Variants in PRKG1 observed in about 807,000 individuals in gnomAD.
PRKG1 encodes protein kinase cGMP-dependent 1.
In PRKG1, 35 loss-of-function variants were observed where a neutral mutation model predicts 88.1. The ratio of observed to expected loss-of-function variants is 0.40; its 90% CI spans 0.30 to 0.53. The LOEUF (loss-of-function observed/expected upper bound fraction) is 0.53. Ranked by LOEUF, PRKG1 falls within the 20% of genes least tolerant of loss-of-function variation. The probability of loss-of-function intolerance (pLI) is 0.59; values close to 1 mark genes in which losing one functional copy is unlikely to be tolerated. For missense variants in PRKG1, 540 were observed against 839.8 expected, an observed-to-expected ratio of 0.64 and a Z score of 4.41; for synonymous variants, 303 against 292.5, an observed-to-expected ratio of 1.04 and a Z score of -0.37.
Position 50,991,320 on chromosome 10 carries a change from G to GCCC in PRKG1, c.-57_-56insCCC, listed in dbSNP as rs869146277. The GCCC allele has an allele frequency of 7.4e-7, 1 of 1,344,052 alleles. No homozygotes were observed. Among genetic ancestry groups the GCCC allele is most frequent in the African/African-American group, 1.7e-5 (1 of 60,396 alleles). The allele number at this position is 1,344,052 out of a possible 1,614,324, so 83.3% of individuals were successfully genotyped here. A position where few individuals can be genotyped will look rare whatever the true frequency, so the allele number is the denominator to read the frequency against. ...GCCGGCTGCCGTCCCAGCCGCCGCCGCCGCCGCCGCCGCCGCCGCCGCCCG... is the reference window on the plus strand; with the variant it reads ...GCCGGCTGCCGTCCCAGCCGCCGCCGCCCCCGCCGCCGCCGCCGCCGCCGCCCG... On this transcript the variant is annotated 5_prime_UTR_variant, in exon 1 of 18. Coordinates refer to the PRKG1 transcript ENST00000401604. This position sits in a 1 kb window ranked among gnomAD's most constrained non-coding sequence, Gnocchi z 4.5.
At chr10:51,594,637 CTAAA>C (rs1432662416) in intron 3 of PRKG1, among the ~76,000 whole-genome samples, 1 of 152,182 alleles carries the variant, frequency 6.6e-6, no homozygotes, top group East Asian at 1.9e-4. Context: ...TCAAATTTCA[CTAAA>C]TAAACTCTTT....
At chr10:51,988,726 A>G (rs1197459754) in intron 5 of PRKG1, among the ~76,000 whole-genome samples, 2 of 151,612 alleles carry the variant, frequency 1.3e-5, no homozygotes, top group Admixed American at 6.6e-5. Context: ...GTTCTTGTTG[A>G]TTGGTAAAAT....
chr10:52,251,776 A>G, intron 10 of PRKG1, 110 bp downstream of exon 10: 2 of 908,710 alleles, frequency 2.2e-6, no homozygotes, highest in Admixed American at 2.5e-5. Flanking sequence ...ATCATTAATT[A>G]CCATGATTCC....
chr10:51,057,748 TTATC>T (rs1424041354), intron 1 of PRKG1, among the ~76,000 whole-genome samples: 1 of 152,156 alleles, frequency 6.6e-6, no homozygotes, highest in African/African-American at 2.4e-5. Flanking sequence ...TAATATATAT[TTATC>T]TATTCTAATG....
At position 51,925,628 on chromosome 10, in the gene PRKG1, G is replaced by A. The variant is rs187042540; in HGVS notation, c.762+18058G>A. On this transcript the variant is annotated intron_variant, in intron 5 of 17. Coordinates refer to ENST00000373980, the MANE Select transcript of PRKG1 (RefSeq NM_006258.4). The stretch of plus-strand genomic sequence containing the variant: ...CAGGACTTGTTAAGGAGAACACAGA[G>A]CTCGGAATTTACTTCAAAAATGGTT... 5.2e-3 allele frequency among the ~76,000 whole-genome samples: 791 copies of A among 152,202 alleles called. 8 individuals carry two copies. The highest frequency in any genetic ancestry group is 0.018 in the African/African-American group (753 of 41,546).
intron 2 of PRKG1, among the ~76,000 whole-genome samples, chr10:51,307,602 C>T (rs1199716743): frequency 2.0e-5 from 3 of 152,092 alleles, no homozygotes; most frequent in South Asian, 2.1e-4. Flanking sequence ...AGTTTACTCA[C>T]CTTTTATTTA....
At chr10:52,062,394 G>A in intron 6 of PRKG1, 143 bp from the exon 7 acceptor site, 1 of 449,096 alleles carries the variant, frequency 2.2e-6, no homozygotes, top group Non-Finnish European at 3.9e-6. Context: ...GTTGTTCTTT[G>A]GTCCTTTTGG....
chr10:51,346,937 T>A (rs1389981630), intron 2 of PRKG1, among the ~76,000 whole-genome samples: 4 of 152,286 alleles, frequency 2.6e-5, no homozygotes, highest in African/African-American at 9.6e-5. Flanking sequence ...GTAACAAATT[T>A]ATTTTACAGA....
Position 51,746,010 on chromosome 10 carries a change from G to A in PRKG1, c.593-58575G>A, listed in dbSNP as rs189529087. ...AGGCACATGCCATCTTGTCTGTCTAGTTTTTTGTTTGCTTTTTTAAATAGA... is the reference window on the plus strand; with the variant it reads ...AGGCACATGCCATCTTGTCTGTCTAATTTTTTGTTTGCTTTTTTAAATAGA... On this transcript the variant is annotated intron_variant, in intron 3 of 17. Coordinates refer to ENST00000373980, the MANE Select transcript of PRKG1 (RefSeq NM_006258.4). 1.5e-3 allele frequency among the ~76,000 whole-genome samples: 229 copies of A among 152,182 alleles called. 4 individuals are homozygous for A. The highest frequency in any genetic ancestry group is 1.4e-3 in the Non-Finnish European group (94 of 68,000).
At chr10:51,472,098 G>A (rs573321183) in intron 3 of PRKG1, among the ~76,000 whole-genome samples, 1 of 151,776 alleles carries the variant, frequency 6.6e-6, no homozygotes, top group South Asian at 2.1e-4. Context: ...TTTCTGCCTT[G>A]GTTTGAATCT....
At chr10:51,229,248 A>C (rs1489488663) in intron 2 of PRKG1, among the ~76,000 whole-genome samples, 1 of 152,196 alleles carries the variant, frequency 6.6e-6, no homozygotes, top group Non-Finnish European at 1.5e-5. Flanking sequence ...CATACCTGGC[A>C]GAGAGGAGGT....
At chr10:51,887,126 C>G (rs369420488) in intron 4 of PRKG1, among the ~76,000 whole-genome samples, 2 of 152,138 alleles carry the variant, frequency 1.3e-5, no homozygotes, top group East Asian at 1.9e-4. Flanking sequence ...GCTGGCGCTA[C>G]AGGCATGCAC....
chr10:51,530,662 G>T (rs971257999), intron 3 of PRKG1, among the ~76,000 whole-genome samples: 1 of 151,978 alleles, frequency 6.6e-6, no homozygotes, highest in African/African-American at 2.4e-5. Flanking sequence ...TTGATATTTT[G>T]CCTGGGTCCC....
intron 3 of PRKG1, among the ~76,000 whole-genome samples, chr10:51,617,994 G>A (rs138702852): frequency 3.0e-4 from 45 of 152,290 alleles, no homozygotes; most frequent in African/African-American, 9.1e-4. Flanking sequence ...ATACGCTAAG[G>A]TTTTCTACAG....
chr10:51,107,878 GAC>G (rs150299282), intron 1 of PRKG1, among the ~76,000 whole-genome samples: 4,907 of 144,722 alleles, frequency 0.034, 205 homozygotes, highest in African/African-American at 0.1. Context: ...AGAGGGAGAA[GAC>G]ACACAATATC....
intron 4 of PRKG1, among the ~76,000 whole-genome samples, chr10:51,898,715 G>A (rs1293036022): frequency 6.6e-6 from 1 of 152,090 alleles, no homozygotes; most frequent in Non-Finnish European, 1.5e-5. Context: ...TACTCAGGAG[G>A]CTGAGGCAGG....
intron 4 of PRKG1, among the ~76,000 whole-genome samples, chr10:51,849,578 A>G (rs1383145483): frequency 6.6e-6 from 1 of 152,092 alleles, no homozygotes; most frequent in Non-Finnish European, 1.5e-5. Context: ...CCAATGGCCT[A>G]TTAATTTTAC....
At chr10:52,036,325 G>A (rs1482338835) in intron 5 of PRKG1, among the ~76,000 whole-genome samples, 1 of 151,998 alleles carries the variant, frequency 6.6e-6, no homozygotes, top group Non-Finnish European at 1.5e-5. Context: ...GCACTACGGG[G>A]TGGATAGGCA....
chr10:51,865,333 A>G (rs1215224045), intron 4 of PRKG1, among the ~76,000 whole-genome samples: 1 of 152,064 alleles, frequency 6.6e-6, no homozygotes, highest in Non-Finnish European at 1.5e-5. Context: ...TTTATTGCCA[A>G]TTTTATAATT....
Sources: gnomAD v4.1 joint callset for allele counts (sites outside exome capture counted in the v4.1 genomes callset) on GRCh38, gnomAD v4.1.1 for gene constraint, Gnocchi (gnomAD v3.1) non-coding constraint, MANE v1.5 for transcripts, NCBI Gene and HGNC (gene_info 2026-07-23, HGNC 2026-07-21) for gene names.